The following KIF1B variants were observed in gnomAD, a reference collection of about 807,000 sequenced individuals.
The protein encoded by KIF1B is kinesin-like protein KIF1B.
Under a neutral mutation model 241.9 loss-of-function variants are expected in KIF1B, and 76 were observed. The observed-to-expected ratio is 0.31, with a 90% CI of 0.26 to 0.38. KIF1B has a LOEUF of 0.38. KIF1B is among the 10% of genes least tolerant of loss of function. The pLI is 1.00. For synonymous variants in KIF1B, 750 were observed against 796.7 expected (o/e 0.94, Z 0.99); for missense variants, 1,622 against 2,271.4 (o/e 0.71, Z 5.81).
At chr1:10,271,453 T>G in intron 7 of KIF1B, 49 bp from the exon 8 acceptor site, 1 of 1,311,984 alleles carries the variant, frequency 7.6e-7, no homozygotes, top group Non-Finnish European at 1.1e-6. Context: ...ATTTCCTGCT[T>G]CTATCTTGCT....
chr1:10,371,507 C>A (rs1638733412), intron 45 of KIF1B, among the ~76,000 whole-genome samples: 1 of 152,236 alleles, frequency 6.6e-6, no homozygotes, highest in African/African-American at 2.4e-5. Context: ...TCATCCCTTT[C>A]TGCTAGTTTT....
At chr1:10,288,622 G>A (rs1261551809) in intron 15 of KIF1B, among the ~76,000 whole-genome samples, 2 of 152,068 alleles carry the variant, frequency 1.3e-5, no homozygotes, top group Non-Finnish European at 1.5e-5. Context: ...CCTCCTACAT[G>A]GCTGCCTTAC....
At chr1:10,223,452 G>T (rs1236198433) in intron 1 of KIF1B, among the ~76,000 whole-genome samples, 3 of 151,442 alleles carry the variant, frequency 2.0e-5, no homozygotes, top group Non-Finnish European at 4.4e-5. Context: ...ATAACTTTCT[G>T]TAGTCCACTT....
chr1:10,304,702 C>T (rs1650739030), intron 22 of KIF1B: 1 of 1,603,634 alleles, frequency 6.2e-7, no homozygotes, highest in Admixed American at 1.7e-5. Flanking sequence ...AGTGTTAGCT[C>T]ATGATTTGAT....
At chr1:10,271,671 T>A in intron 8 of KIF1B, 92 bp downstream of exon 8, 1 of 885,328 alleles carries the variant, frequency 1.1e-6, no homozygotes, top group Non-Finnish European at 1.9e-6. Context: ...CTACATACAT[T>A]TGTTTATGTA....
At chr1:10,324,438 A>G (rs568546905) in intron 25 of KIF1B, among the ~76,000 whole-genome samples, 1 of 152,294 alleles carries the variant, frequency 6.6e-6, no homozygotes, top group African/African-American at 2.4e-5. Context: ...ATGTAGTATA[A>G]TGAGGTATTT....
rs574281140 is a variant in KIF1B, at chr1:10,326,490, A to G, written c.2924+131A>G. The G allele has an allele frequency of 4.5e-5, 54 of 1,210,678 alleles. No homozygotes were observed. In the African/African-American group the frequency reaches 6.4e-4, roughly 14 times the overall value. 75.0% of individuals were successfully genotyped at this position (1,210,678 alleles called of 1,614,324 possible). On this transcript the variant is annotated intron_variant, in intron 27 of 48. Coordinates refer to ENST00000676179, the MANE Select transcript of KIF1B (RefSeq NM_001365951.3). The surrounding 1 kb of genome is among the most constrained non-coding windows in gnomAD (Gnocchi z 5.2). The stretch of plus-strand genomic sequence containing the variant: ...TGAATGCTCTTTTTCAAGTTCTCCA[A>G]TACTTCAAGCTCTTAGTCAGTGCTG...
At chr1:10,345,658 A>G in intron 34 of KIF1B, 187 bp from the exon 35 acceptor site, 2 of 606,950 alleles carry the variant, frequency 3.3e-6, no homozygotes, top group Admixed American at 2.9e-5. Context: ...TGTTCTCTGA[A>G]TGTAGAGATA....
intron 23 of KIF1B, among the ~76,000 whole-genome samples, chr1:10,320,765 C>G (rs972033022): frequency 1.3e-5 from 2 of 151,790 alleles, no homozygotes; most frequent in Non-Finnish European, 2.9e-5. Flanking sequence ...TTGCTCTTGT[C>G]GCCCACGCTG....
rs373288330 is a variant in KIF1B at position 10,372,036 on chromosome 1, G to A, written c.4946+774G>A. Among the ~76,000 whole-genome samples the A allele has an allele frequency of 2.0e-5, 3 of 152,154 alleles. No homozygotes were observed. In the South Asian group the frequency reaches 6.2e-4, roughly 32 times the overall value. Reference sequence around the variant, plus strand: ...CCTCTTGTGCATCTCCATCAATTATGCTCACCTGGTTATCATCCACCTGTC... The same window carrying A: ...CCTCTTGTGCATCTCCATCAATTATACTCACCTGGTTATCATCCACCTGTC... On this transcript the variant is annotated intron_variant, in intron 45 of 48. Coordinates refer to ENST00000676179, the MANE Select transcript of KIF1B (RefSeq NM_001365951.3).
chr1:10,230,572 A>G (rs1322881781), intron 1 of KIF1B, among the ~76,000 whole-genome samples: 1 of 151,648 alleles, frequency 6.6e-6, no homozygotes, highest in Non-Finnish European at 1.5e-5. Context: ...AATAGCTGGG[A>G]TTACAGGTGT....
chr1:10,242,343 C>T (rs928679609), intron 2 of KIF1B, among the ~76,000 whole-genome samples: 22 of 152,108 alleles, frequency 1.4e-4, no homozygotes, highest in African/African-American at 5.1e-4. Context: ...CAGGGCGTAG[C>T]CTACTCCATA....
intron 5 of KIF1B, 58 bp downstream of exon 5, chr1:10,262,028 A>C: frequency 8.7e-7 from 1 of 1,146,628 alleles, no homozygotes. Flanking sequence ...CTCAAGCATC[A>C]CTTAAATGGC....
chr1:10,331,542 T>C lies in KIF1B; in HGVS notation c.2925-2978T>C, dbSNP rs192432664. Among the ~76,000 whole-genome samples, 24 of 152,368 alleles carry C rather than the reference T, an allele frequency of 1.6e-4. No homozygotes were observed. The East Asian group carries it at 3.3e-3, about 21-fold the overall frequency. ...TTGTATTTCATTTATGCTCTAGTTA[T>C]GTTAACATTTGTTTTTCTGTGATGT... On this transcript the variant is annotated intron_variant, in intron 27 of 48. Transcript: ENST00000676179.
At chr1:10,272,338 G>T in intron 9 of KIF1B, 32 bp downstream of exon 9, 1 of 1,342,552 alleles carries the variant, frequency 7.4e-7, no homozygotes, top group South Asian at 1.2e-5. Flanking sequence ...AAGGGGAGTT[G>T]TGTCTGTTCA....
At chr1:10,269,296 A>G (rs868411362) in intron 7 of KIF1B, among the ~76,000 whole-genome samples, 6 of 150,950 alleles carry the variant, frequency 4.0e-5, no homozygotes, top group Admixed American at 2.0e-4. Flanking sequence ...AGACAGATCA[A>G]GAGGTCAGGA....
intron 41 of KIF1B, 118 bp downstream of exon 41, chr1:10,363,462 C>A: frequency 1.2e-6 from 1 of 832,076 alleles, no homozygotes; most frequent in Non-Finnish European, 2.0e-6. Context: ...GAGGCCAAGG[C>A]GGGTGGATCA....
At chr1:10,371,086 G>A (rs1298278856) in intron 44 of KIF1B, 55 bp from the exon 45 acceptor site, 2 of 1,612,612 alleles carry the variant, frequency 1.2e-6, no homozygotes, top group Non-Finnish European at 1.7e-6. Flanking sequence ...TATTGTTACT[G>A]TAGAGGCAGC....
rs768176241 is a variant in KIF1B at position 10,304,394 on chromosome 1, C to T, written c.2115+7148C>T. The T allele has an allele frequency of 2.1e-5, 34 of 1,614,058 alleles. No homozygotes were observed. Among genetic ancestry groups the T allele is most frequent in the South Asian group, 7.7e-5 (7 of 91,082 alleles). On this transcript the variant is annotated intron_variant, in intron 22 of 48. Coordinates refer to ENST00000676179, the MANE Select transcript of KIF1B (RefSeq NM_001365951.3). Reference sequence around the variant, plus strand: ...ACGCGCTGCCAGGCATCTGCCTCCGCGGAGTCATTAAACTCCCACAGTGGT... The same window carrying T: ...ACGCGCTGCCAGGCATCTGCCTCCGTGGAGTCATTAAACTCCCACAGTGGT...
Sources: allele counts gnomAD v4.1 joint callset (sites outside exome capture counted in the v4.1 genomes callset), GRCh38; gene constraint gnomAD v4.1.1; non-coding constraint Gnocchi (gnomAD v3.1); transcripts MANE v1.5; gene names NCBI Gene and HGNC (gene_info 2026-07-23, HGNC 2026-07-21).